The following SLC35A5 variants were observed in gnomAD, a reference collection of about 807,000 sequenced individuals.
The protein encoded by SLC35A5 is solute carrier family 35 member A5, also known as UDP-sugar transporter protein SLC35A5.
Under a neutral mutation model 36.3 loss-of-function variants are expected in SLC35A5, and 28 were observed. The observed-to-expected ratio is 0.77, with a 90% CI of 0.57 to 1.06. SLC35A5 has a LOEUF of 1.06. Among genes scored for constraint, SLC35A5 ranks in the 50% least tolerant of loss-of-function variants. SLC35A5 has a pLI of 0.00. For missense variants in SLC35A5, 521 were observed against 499.3 expected (o/e 1.04, Z -0.41); for synonymous variants, 180 against 173.7 (o/e 1.04, Z -0.29).
intron 5 of SLC35A5, among the ~76,000 whole-genome samples, chr3:112,576,696 C>T (rs544415972): frequency 3.2e-4 from 49 of 152,228 alleles, no homozygotes; most frequent in Middle Eastern, 6.8e-3. Flanking sequence ...ATTGTCTTCA[C>T]GGTTCATCCA....
At chr3:112,563,696 CAAG>C (rs2107408991) in intron 2 of SLC35A5, among the ~76,000 whole-genome samples, 163 bp downstream of exon 2, 1 of 152,250 alleles carries the variant, frequency 6.6e-6, no homozygotes, top group South Asian at 2.1e-4. Context: ...CATTCCTCAA[CAAG>C]AAAAAATGTT....
rs545193289 is a variant in SLC35A5, at chr3:112,569,372, A to T, written c.229+103A>T. On this transcript the variant is annotated intron_variant, in intron 3 of 6. Transcript: ENST00000492406. ...CATTTAGCTTAGTCCATTAAATTTT[A>T]TATGAGGAAGCTAAGATACAAACAT... 3.5e-6 allele frequency: 3 copies of T among 850,056 alleles called. No individual in the cohort carries two copies. In the South Asian group the frequency reaches 4.7e-5, roughly 13 times the overall value. 52.7% of individuals were successfully genotyped at this position (850,056 alleles called of 1,614,324 possible).
At chr3:112,564,854 A>G (rs557335535) in intron 2 of SLC35A5, among the ~76,000 whole-genome samples, 1 of 152,348 alleles carries the variant, frequency 6.6e-6, no homozygotes, top group East Asian at 1.9e-4. Context: ...CATCTTGCAC[A>G]GCCCTTAATC....
intron 2 of SLC35A5, 149 bp from the exon 3 acceptor site, chr3:112,569,022 A>T (rs1164558464): frequency 1.6e-6 from 1 of 624,036 alleles, no homozygotes; most frequent in Non-Finnish European, 2.7e-6. Context: ...AATTGATTAA[A>T]AAATCCAAAG....
intron 5 of SLC35A5, among the ~76,000 whole-genome samples, chr3:112,575,616 T>C (rs1934632335): frequency 6.6e-6 from 1 of 152,144 alleles, no homozygotes. Context: ...CTACATACTT[T>C]CTTATTTTCA....
In SLC35A5 at chr3:112,575,458, T is replaced by G. The variant is rs189950447; in HGVS notation, c.428+1502T>G. Among the ~76,000 whole-genome samples, 186 of 142,306 alleles carry G rather than the reference T, an allele frequency of 1.3e-3. 1 individual carries two copies. The highest frequency in any genetic ancestry group is 5.6e-3 in the African/African-American group (183 of 32,504). 93.4% of individuals were successfully genotyped at this position (142,306 alleles called of 152,430 possible). On this transcript the variant is annotated intron_variant, in intron 5 of 6. Transcript: ENST00000492406. ...TTTTTAAGCATTTAACTATTTGTAT[T>G]AAGAAAGTTCATTCTAAGTTTAAAT...
upstream of SLC35A5, chr3:112,562,039 C>T (rs1272461220): frequency 5.9e-6 from 1 of 169,226 alleles, no homozygotes; most frequent in Non-Finnish European, 1.3e-5. Flanking sequence ...CTTCCGGAAG[C>T]GTAACACTGA....
intron 5 of SLC35A5, among the ~76,000 whole-genome samples, chr3:112,575,840 A>G (rs188440206): frequency 6.8e-4 from 101 of 148,822 alleles, no homozygotes; most frequent in African/African-American, 2.3e-3. Flanking sequence ...GCTCATTGCA[A>G]CCTCCTCTTC....
At position 112,580,728 on chromosome 3, in the gene SLC35A5, A is replaced by G. The variant is rs868439284; in HGVS notation, c.611A>G (p.Asn204Ser). 7 of 1,614,176 alleles carry G rather than the reference A, an allele frequency of 4.3e-6. No individual in the cohort carries two copies. The Middle Eastern group carries it at 4.9e-4, about 114-fold the overall frequency. Residue 204 changes from asparagine to serine, a missense_variant, in exon 6 of 7, where the codon AAT (asparagine) becomes AGT (serine). Transcript: ENST00000492406. ...LFRSECPRKD[N>S]CTAKEWTFPE... ...AGAAGTGAGTGTCCCAGAAAAGACA[A>G]TTGTACAGCAAAGGAATGGACTTTT...
chr3:112,561,852 C>A, upstream of SLC35A5: 1 of 356,282 alleles, frequency 2.8e-6, no homozygotes, highest in Non-Finnish European at 5.1e-6. Flanking sequence ...GCACCCCTCG[C>A]CCTCTGCGAG....
At chr3:112,576,931 T>G (rs1268262785) in intron 5 of SLC35A5, among the ~76,000 whole-genome samples, 1 of 152,198 alleles carries the variant, frequency 6.6e-6, no homozygotes, top group Admixed American at 6.5e-5. Context: ...AGCAGCTTAA[T>G]AGTTCTATCA....
rs1935050670 is a variant in SLC35A5, at chr3:112,584,035, C to CCT, written c.*1300_*1301dup. ...CTTACACATTTCTGCTCTCCTTTCT[C>CCT]CTAAGTTTCATGCAGATGAATATAA... On this transcript the variant is annotated 3_prime_UTR_variant, in exon 7 of 7. Transcript: ENST00000492406. 1 of 152,034 alleles carries CCT rather than the reference C, an allele frequency of 6.6e-6. No individual in the cohort carries two copies. 9.4% of individuals were successfully genotyped at this position (152,034 alleles called of 1,614,324 possible).
At chr3:112,576,389 T>A (rs574798814) in intron 5 of SLC35A5, among the ~76,000 whole-genome samples, 2 of 132,798 alleles carry the variant, frequency 1.5e-5, no homozygotes, top group African/African-American at 5.9e-5. Flanking sequence ...CCTCTCAAAG[T>A]GTTGGGATTA....
intron 4 of SLC35A5, among the ~76,000 whole-genome samples, chr3:112,572,715 A>G (rs1260036534): frequency 1.3e-5 from 2 of 152,234 alleles, no homozygotes; most frequent in Non-Finnish European, 2.9e-5. Context: ...AAGGAATTAA[A>G]TAGAGATGCA....
chr3:112,568,835 G>GTTGA (rs1934310548), intron 2 of SLC35A5, among the ~76,000 whole-genome samples: 1 of 152,222 alleles, frequency 6.6e-6, no homozygotes, highest in Non-Finnish European at 1.5e-5. Flanking sequence ...ATGAGTCGGT[G>GTTGA]TTGATTGATG....
rs1467465212 is a variant in SLC35A5, at chr3:112,563,259, TTTC to T, written c.-19-123_-19-121del. On this transcript the variant is annotated intron_variant, in intron 1 of 6. Coordinates refer to ENST00000492406, the MANE Select transcript of SLC35A5 (RefSeq NM_017945.5). The stretch of plus-strand genomic sequence containing the variant: ...TGTCATAGTTTCTTTATGCCTCAAC[TTTC>T]TTGGTGCTGATATAGTCATAGCCAA... 9.6e-6 allele frequency: 6 copies of T among 625,186 alleles called. No homozygotes were observed. The East Asian group carries it at 1.6e-4, about 17-fold the overall frequency. The allele number at this position is 625,186 out of a possible 1,614,324, so 38.7% of individuals were successfully genotyped here. A position where few individuals can be genotyped will look rare whatever the true frequency, so the allele number is the denominator to read the frequency against.
chr3:112,583,216 G>A lies in SLC35A5; in HGVS notation c.*480G>A. On this transcript the variant is annotated 3_prime_UTR_variant, in exon 7 of 7. Coordinates refer to ENST00000492406, the MANE Select transcript of SLC35A5 (RefSeq NM_017945.5). ...TCATTTTGCAAGTAAAGAGCAACGG[G>A]ACCCTTTCTAAAAACGTTGGTTGAA... The A allele has an allele frequency of 2.5e-6, 1 of 397,416 alleles. No individual in the cohort carries two copies. Among genetic ancestry groups the A allele is most frequent in the Non-Finnish European group, 4.4e-6 (1 of 225,370 alleles). The allele number at this position is 397,416 out of a possible 1,614,324, so 24.6% of individuals were successfully genotyped here.
intron 5 of SLC35A5, among the ~76,000 whole-genome samples, chr3:112,579,757 A>G (rs551259511): frequency 2.6e-5 from 4 of 152,120 alleles, no homozygotes; most frequent in East Asian, 1.9e-4. Context: ...TTGTTTTCTC[A>G]CTGTTAAAGC....
At chr3:112,569,404 G>T in intron 3 of SLC35A5, 135 bp downstream of exon 3, 1 of 682,712 alleles carries the variant, frequency 1.5e-6, no homozygotes, top group Admixed American at 2.7e-5. Flanking sequence ...ACATAAGTAT[G>T]TTTTAGAGGT....
Sources: allele counts gnomAD v4.1 joint callset (sites outside exome capture counted in the v4.1 genomes callset), GRCh38; gene constraint gnomAD v4.1.1; transcripts MANE v1.5; gene names NCBI Gene and HGNC (gene_info 2026-07-23, HGNC 2026-07-21).